Variants in NLRP14 observed in about 807,000 individuals in gnomAD.
NLRP14 encodes NLR family pyrin domain containing 14, also known as NACHT, LRR and PYD domains-containing protein 14.
NLRP14 carries 105 observed loss-of-function variants against 94.7 expected under a neutral mutation model. That is an observed-to-expected ratio of 1.11 (90% CI 0.95 to 1.30). The LOEUF is 1.30. NLRP14 is among the 50% of genes most tolerant of loss of function. NLRP14 has a pLI of 0.00. For missense variants in NLRP14, 1,362 were observed against 1,254.1 expected, an observed-to-expected ratio of 1.09 and a Z score of -1.30; for synonymous variants, 508 against 459.9, an observed-to-expected ratio of 1.10 and a Z score of -1.34.
At chr11:7,086,827 A>G in the NLRP14 span, among the ~76,000 whole-genome samples, 1 of 152,216 alleles carries the variant, frequency 6.6e-6, no homozygotes, top group African/African-American at 2.4e-5. Context: ...TGAGGAATGA[A>G]GTTAAGGAAC....
chr11:7,062,250 A>G, intron 9 of NLRP14, 83 bp from the exon 10 acceptor site: 1 of 1,174,664 alleles, frequency 8.5e-7, no homozygotes, highest in Non-Finnish European at 1.3e-6. Context: ...AAAGAGGTTC[A>G]AATACCTGGG....
Position 7,035,630 on chromosome 11 carries a change from C to T in NLRP14, c.-21-2936C>T, listed in dbSNP as rs144758573. 2.6e-3 allele frequency among the ~76,000 whole-genome samples: 397 copies of T among 152,226 alleles called. 3 individuals carry two copies. Among genetic ancestry groups the T allele is most frequent in the African/African-American group, 9.3e-3 (385 of 41,544 alleles). The stretch of plus-strand genomic sequence containing the variant: ...GAGCGACCAAGAAAGGAAATCAATC[C>T]GGACTATATGAAAAGGGTGGAAACA... On this transcript the variant is annotated intron_variant, in intron 1 of 11. Transcript: ENST00000299481.
the NLRP14 span, chr11:7,090,299 A>T: frequency 1.3e-6 from 2 of 1,591,718 alleles, no homozygotes; most frequent in Non-Finnish European, 1.7e-6. Flanking sequence ...GCAGATACTA[A>T]GCAGGAACAG....
intron 1 of NLRP14, among the ~76,000 whole-genome samples, chr11:7,038,319 A>T (rs971490305): frequency 6.6e-6 from 1 of 152,180 alleles, no homozygotes; most frequent in African/African-American, 2.4e-5. Context: ...ATAGCTCATA[A>T]GTGGTAGGAC....
intron 1 of NLRP14, among the ~76,000 whole-genome samples, chr11:7,029,441 A>G (rs1389369446): frequency 2.0e-5 from 3 of 152,196 alleles, no homozygotes; most frequent in African/African-American, 7.2e-5. Context: ...AAGAAATAAC[A>G]CTTCCAAATA....
At chr11:7,052,000 T>C (rs1444754067) in intron 6 of NLRP14, among the ~76,000 whole-genome samples, 4 of 152,198 alleles carry the variant, frequency 2.6e-5, no homozygotes, top group Non-Finnish European at 5.9e-5. Context: ...AAAGATCTAT[T>C]CTCTTTGTCT....
At chr11:7,079,506 C>T in the NLRP14 span, among the ~76,000 whole-genome samples, 5 of 152,290 alleles carry the variant, frequency 3.3e-5, no homozygotes, top group East Asian at 1.9e-4. Flanking sequence ...TTTGCAATTT[C>T]GGGTATTATA....
intron 1 of NLRP14, among the ~76,000 whole-genome samples, chr11:7,023,068 G>T (rs1851968052): frequency 6.6e-6 from 1 of 151,848 alleles, no homozygotes; most frequent in Admixed American, 6.6e-5. Flanking sequence ...TAATGGTGAA[G>T]AGTTGACAAG....
chr11:7,042,975 C>G lies in NLRP14; in HGVS notation c.949C>G (p.Gln317Glu), dbSNP rs368852692. 1 of 1,614,052 alleles carries G rather than the reference C, an allele frequency of 6.2e-7. No homozygotes were observed. Among genetic ancestry groups the G allele is most frequent in the East Asian group, 2.2e-5 (1 of 44,880 alleles). ...ACTCACAACTTCTAAGAGACTAAAG[C>G]AGTTGTTGAAGAATCACCATTATGT... ...TRLTTSKRLK[Q>E]LLKNHHYVEL... The change falls in exon 4 of 12, where the codon CAG (glutamine) becomes GAG (glutamate). Residue 317 changes from glutamine (Q) to glutamate (E), a missense_variant. Transcript: ENST00000299481.
At chr11:7,057,311 C>G (rs1042614009) in intron 6 of NLRP14, among the ~76,000 whole-genome samples, 3 of 152,000 alleles carry the variant, frequency 2.0e-5, no homozygotes, top group Admixed American at 2.0e-4. Flanking sequence ...CATTTCTGTT[C>G]TGTTTCAGAA....
At chr11:7,034,883 T>C (rs747915271) in intron 1 of NLRP14, among the ~76,000 whole-genome samples, 10 of 152,244 alleles carry the variant, frequency 6.6e-5, no homozygotes, top group Non-Finnish European at 1.0e-4. Context: ...CGACCCTGAA[T>C]TATTTCCTCC....
intron 3 of NLRP14, 61 bp from the exon 4 acceptor site, chr11:7,042,327 A>G: frequency 7.3e-7 from 1 of 1,362,596 alleles, no homozygotes; most frequent in South Asian, 1.2e-5. Context: ...TACATTTCAT[A>G]GAATTTGTTT....
At chr11:7,032,810 C>A (rs1467542278) in intron 1 of NLRP14, among the ~76,000 whole-genome samples, 1 of 152,066 alleles carries the variant, frequency 6.6e-6, no homozygotes, top group East Asian at 1.9e-4. Flanking sequence ...TGAACATTTT[C>A]AAGACAATAT....
chr11:7,043,004 G>T lies in NLRP14; in HGVS notation c.978G>T (p.Glu326Asp). The part of the protein sequence containing the change: ...KQLLKNHHYV[E>D]LLGMSEDARE... ...TGTTGAAGAATCACCATTATGTAGA[G>T]CTACTAGGAATGTCTGAGGATGCAA... The change falls in exon 4 of 12, where the codon GAG (glutamate) becomes GAT (aspartate). Residue 326 changes from glutamate to aspartate, a missense_variant. By Grantham distance (45) the Glu-to-Asp change is conservative. Coordinates refer to ENST00000299481, the MANE Select transcript of NLRP14 (RefSeq NM_176822.4). 1.2e-6 allele frequency: 2 copies of T among 1,614,182 alleles called. No homozygotes were observed. The highest frequency in any genetic ancestry group is 8.5e-7 in the Non-Finnish European group (1 of 1,180,024).
chr11:7,078,961 C>T, the NLRP14 span, among the ~76,000 whole-genome samples: 4 of 152,134 alleles, frequency 2.6e-5, no homozygotes, highest in Non-Finnish European at 5.9e-5. Flanking sequence ...GTAAGGGTCC[C>T]AGGCCACAGG....
chr11:7,035,351 A>C (rs568211534), intron 1 of NLRP14, among the ~76,000 whole-genome samples: 13 of 152,290 alleles, frequency 8.5e-5, no homozygotes, highest in Admixed American at 1.3e-4. Flanking sequence ...TTCACTTAGC[A>C]GTAGAGGTTA....
chr11:7,072,760 A>G (rs1852821022), downstream of NLRP14, among the ~76,000 whole-genome samples: 1 of 152,214 alleles, frequency 6.6e-6, no homozygotes, highest in Non-Finnish European at 1.5e-5. Flanking sequence ...CTTTGCACAC[A>G]GTTGAAACTT....
At chr11:7,085,463 G>T in the NLRP14 span, among the ~76,000 whole-genome samples, 1 of 152,126 alleles carries the variant, frequency 6.6e-6, no homozygotes, top group East Asian at 1.9e-4. Flanking sequence ...CCTCATATAA[G>T]TAAAATCATA....
the NLRP14 span, among the ~76,000 whole-genome samples, chr11:7,086,748 C>T: frequency 6.6e-6 from 1 of 152,208 alleles, no homozygotes; most frequent in Middle Eastern, 3.4e-3. Flanking sequence ...CAACCCCTCT[C>T]CCACAAATAT....
Sources: allele counts gnomAD v4.1 joint callset (sites outside exome capture counted in the v4.1 genomes callset), GRCh38; gene constraint gnomAD v4.1.1; transcripts MANE v1.5; gene names NCBI Gene and HGNC (gene_info 2026-07-23, HGNC 2026-07-21).